CNTN5: variants seen among roughly 807,000 people sequenced by gnomAD.
CNTN5 encodes the protein contactin-5.
CNTN5 carries 77 observed loss-of-function variants against 129.1 expected under a neutral mutation model. That is an observed-to-expected ratio of 0.60 (90% CI 0.50 to 0.72). The LOEUF (loss-of-function observed/expected upper bound fraction) is 0.72, where lower values mean the gene tolerates loss of function less well. CNTN5 is among the 30% of genes least tolerant of loss of function. The pLI, the probability that CNTN5 is intolerant of heterozygous loss-of-function variation, is 0.00. For missense variants in CNTN5, 1,478 were observed against 1,328.8 expected, an observed-to-expected ratio of 1.11 and a Z score of -1.75; for synonymous variants, 509 against 465.6, an observed-to-expected ratio of 1.09 and a Z score of -1.20.
At chr11:99,644,198 C>G (rs1230369642) in intron 3 of CNTN5, among the ~76,000 whole-genome samples, 1 of 149,750 alleles carries the variant, frequency 6.7e-6, no homozygotes, top group East Asian at 2.0e-4. Flanking sequence ...TGACCCATGT[C>G]TTGGAGAGGA....
At chr11:99,558,402 G>T in intron 3 of CNTN5, 1 of 266,100 alleles carries the variant, frequency 3.8e-6, no homozygotes, top group South Asian at 3.9e-5. Context: ...TTTGTTTTTA[G>T]CTCTGGTATG....
At chr11:99,871,203 G>A (rs1344105861) in intron 6 of CNTN5, among the ~76,000 whole-genome samples, 2 of 151,958 alleles carry the variant, frequency 1.3e-5, no homozygotes, top group Non-Finnish European at 2.9e-5. Flanking sequence ...ATCAGTTCTT[G>A]TAGAAAATAT....
chr11:99,512,711 T>G (rs1018701148), intron 2 of CNTN5, among the ~76,000 whole-genome samples: 1 of 152,120 alleles, frequency 6.6e-6, no homozygotes, highest in African/African-American at 2.4e-5. Context: ...ATGTCACTAT[T>G]GTAATTGTTT....
chr11:99,201,747 T>C (rs903378823), intron 1 of CNTN5, among the ~76,000 whole-genome samples: 1 of 152,152 alleles, frequency 6.6e-6, no homozygotes, highest in Non-Finnish European at 1.5e-5. Flanking sequence ...CTGCTGACTC[T>C]GAAGATGGAA....
intron 3 of CNTN5, among the ~76,000 whole-genome samples, chr11:99,727,322 A>AAAAAAAAAAAAAAAAAAAAAAAAAAAG (rs1565466265): frequency 1.2e-4 from 15 of 126,808 alleles, no homozygotes; most frequent in African/African-American, 3.8e-4. Context: ...CAAAAAAAAA[A>AAAAAAAAAAAAAAAAAAAAAAAAAAAG]AAAAAAAAAA....
chr11:99,370,726 C>T (rs72985754), intron 2 of CNTN5, among the ~76,000 whole-genome samples: 5,810 of 152,248 alleles, frequency 0.038, 124 homozygotes, highest in African/African-American at 0.051. Context: ...TGTTGCTACT[C>T]TCTGTCACAA....
At chr11:99,786,882 A>T (rs1945545780) in intron 3 of CNTN5, among the ~76,000 whole-genome samples, 1 of 152,182 alleles carries the variant, frequency 6.6e-6, no homozygotes, top group Non-Finnish European at 1.5e-5. Context: ...TAAACGTAAG[A>T]ACTTTCATTC....
At chr11:99,905,429 T>G (rs191513944) in intron 6 of CNTN5, among the ~76,000 whole-genome samples, 1 of 152,218 alleles carries the variant, frequency 6.6e-6, no homozygotes, top group Non-Finnish European at 1.5e-5. Flanking sequence ...TTGTCAGGTT[T>G]CTCAAAGACC....
chr11:99,970,037 T>A (rs939569202), intron 8 of CNTN5, among the ~76,000 whole-genome samples: 42 of 152,296 alleles, frequency 2.8e-4, no homozygotes, highest in Middle Eastern at 3.4e-3. Context: ...TCATCAAACA[T>A]AAACATTTCT....
At chr11:99,865,755 T>C (rs1948338350) in intron 6 of CNTN5, among the ~76,000 whole-genome samples, 2 of 152,198 alleles carry the variant, frequency 1.3e-5, no homozygotes, top group South Asian at 2.1e-4. Context: ...TTACAGGCCA[T>C]TAATTAATAG....
At chr11:99,869,732 C>T (rs1383494565) in intron 6 of CNTN5, among the ~76,000 whole-genome samples, 16 of 152,146 alleles carry the variant, frequency 1.1e-4, no homozygotes, top group Admixed American at 1.0e-3. Context: ...GAGCAGAGTG[C>T]AGCTTACTGT....
intron 2 of CNTN5, among the ~76,000 whole-genome samples, chr11:99,333,261 A>C (rs116092218): frequency 0.013 from 1,999 of 152,206 alleles, 55 homozygotes; most frequent in African/African-American, 0.045. Flanking sequence ...TGGGAAAAAA[A>C]GAAACACATT....
At chr11:99,345,614 C>G (rs546659621) in intron 2 of CNTN5, among the ~76,000 whole-genome samples, 2 of 152,086 alleles carry the variant, frequency 1.3e-5, no homozygotes, top group East Asian at 3.8e-4. Flanking sequence ...AGCTCAAGAT[C>G]AAGATTTGAT....
chr11:100,051,565 G>A (rs1942957540), intron 9 of CNTN5, among the ~76,000 whole-genome samples: 1 of 151,468 alleles, frequency 6.6e-6, no homozygotes, highest in Admixed American at 6.6e-5. Flanking sequence ...TTAAACAAAT[G>A]GAAAATGAAA....
chr11:100,113,064 G>C (rs550155373), intron 13 of CNTN5, among the ~76,000 whole-genome samples: 3 of 151,868 alleles, frequency 2.0e-5, no homozygotes, highest in Non-Finnish European at 4.4e-5. Context: ...TATTTAACCT[G>C]TTTGAGTCTT....
chr11:99,205,616 G>C (rs1859440581), intron 1 of CNTN5, among the ~76,000 whole-genome samples: 1 of 152,132 alleles, frequency 6.6e-6, no homozygotes, highest in African/African-American at 2.4e-5. Flanking sequence ...TATTGGCACT[G>C]CATTGTATAC....
intron 2 of CNTN5, among the ~76,000 whole-genome samples, chr11:99,535,713 C>T (rs570164731): frequency 1.2e-4 from 18 of 152,240 alleles, no homozygotes; most frequent in Non-Finnish European, 2.5e-4. Flanking sequence ...AAATATTTTA[C>T]AAGTGAACAA....
chr11:99,596,316 CCTA>C (rs1950124997), intron 3 of CNTN5, among the ~76,000 whole-genome samples: 1 of 152,110 alleles, frequency 6.6e-6, no homozygotes, highest in Admixed American at 6.5e-5. Flanking sequence ...CATTGACTAT[CCTA>C]CTAATAGCAT....
chr11:99,702,790 T>C (rs1478018528), intron 3 of CNTN5, among the ~76,000 whole-genome samples: 1 of 150,942 alleles, frequency 6.6e-6, no homozygotes, highest in Non-Finnish European at 1.5e-5. Flanking sequence ...CTGTTTCCTA[T>C]TCAGTGTTGA....
Sources: gnomAD v4.1 joint callset for allele counts (sites outside exome capture counted in the v4.1 genomes callset) on GRCh38, gnomAD v4.1.1 for gene constraint, MANE v1.5 for transcripts, NCBI Gene and HGNC (gene_info 2026-07-23, HGNC 2026-07-21) for gene names.